DNER: variants seen among roughly 807,000 people sequenced by gnomAD.
DNER encodes delta and Notch-like epidermal growth factor-related receptor.
DNER carries 33 observed loss-of-function variants against 78.2 expected under a neutral mutation model. The observed-to-expected ratio is 0.42, with a 90% CI of 0.32 to 0.56. The LOEUF is 0.56. Ranked by LOEUF, DNER falls within the 20% of genes least tolerant of loss-of-function variation. The pLI, the probability that DNER is intolerant of heterozygous loss-of-function variation, is 0.11. For missense variants in DNER, 918 were observed against 975.3 expected (o/e 0.94, Z 0.78); for synonymous variants, 417 against 384.8 (o/e 1.08, Z -0.98).
intron 5 of DNER, among the ~76,000 whole-genome samples, chr2:229,545,768 G>T (rs1696616559): frequency 6.6e-6 from 1 of 152,108 alleles, no homozygotes; most frequent in Non-Finnish European, 1.5e-5. Flanking sequence ...CAGGGCTCAG[G>T]GTTCCCATAG....
At chr2:229,555,395 C>T (rs1696838070) in intron 4 of DNER, among the ~76,000 whole-genome samples, 1 of 152,170 alleles carries the variant, frequency 6.6e-6, no homozygotes, top group Non-Finnish European at 1.5e-5. Flanking sequence ...AACATTTCCA[C>T]AATGCCCCCT....
At chr2:229,673,313 T>C (rs938489730) in intron 1 of DNER, among the ~76,000 whole-genome samples, 11 of 152,130 alleles carry the variant, frequency 7.2e-5, no homozygotes, top group Non-Finnish European at 1.6e-4. Context: ...GAGATGCAGT[T>C]AGGTCCACTA....
intron 1 of DNER, among the ~76,000 whole-genome samples, chr2:229,658,035 T>C (rs1698940884): frequency 6.6e-6 from 1 of 152,214 alleles, no homozygotes; most frequent in African/African-American, 2.4e-5. Context: ...TGAATTGGAA[T>C]TGAACAGAAT....
intron 11 of DNER, among the ~76,000 whole-genome samples, chr2:229,381,265 T>C (rs1353185815): frequency 6.6e-6 from 1 of 152,136 alleles, no homozygotes; most frequent in Non-Finnish European, 1.5e-5. Context: ...TTTCCCATGG[T>C]CTTCACAATC....
chr2:229,616,960 G>T (rs1227433169), intron 1 of DNER, among the ~76,000 whole-genome samples: 1 of 152,196 alleles, frequency 6.6e-6, no homozygotes, highest in Non-Finnish European at 1.5e-5. Context: ...CCCTGGAAAG[G>T]TCCTGAATAT....
intron 8 of DNER, among the ~76,000 whole-genome samples, chr2:229,436,365 G>A (rs1694119344): frequency 1.3e-5 from 2 of 152,142 alleles, no homozygotes; most frequent in South Asian, 4.1e-4. Flanking sequence ...GGGCATTTAG[G>A]TTGATTCCGT....
chr2:229,476,320 G>A lies in DNER; in HGVS notation c.1261+820C>T, dbSNP rs544250274. 3.9e-5 allele frequency among the ~76,000 whole-genome samples: 6 copies of A among 152,236 alleles called. No individual in the cohort carries two copies. In the East Asian group the frequency reaches 1.2e-3, roughly 29 times the overall value. On this transcript the variant is annotated intron_variant, in intron 7 of 12. Transcript: ENST00000341772. Reference sequence around the variant, plus strand: ...ACTTCCGTTATCTGGGAAGCCAGTGGCCTCTTACCAACACCCTCCTGGACC... The same window carrying A: ...ACTTCCGTTATCTGGGAAGCCAGTGACCTCTTACCAACACCCTCCTGGACC...
At chr2:229,649,918 C>CA (rs1698781854) in intron 1 of DNER, among the ~76,000 whole-genome samples, 1 of 151,554 alleles carries the variant, frequency 6.6e-6, no homozygotes, top group Non-Finnish European at 1.5e-5. Context: ...ACTGAAAATA[C>CA]AAAAAAATTA....
At chr2:229,372,785 T>G (rs1214800342) in intron 11 of DNER, among the ~76,000 whole-genome samples, 2 of 151,954 alleles carry the variant, frequency 1.3e-5, no homozygotes, top group African/African-American at 4.8e-5. Context: ...TGACCTATGG[T>G]GATGGGCATG....
At chr2:229,546,586 A>T (rs1164197199) in intron 5 of DNER, among the ~76,000 whole-genome samples, 1 of 152,198 alleles carries the variant, frequency 6.6e-6, no homozygotes, top group Admixed American at 6.5e-5. Flanking sequence ...AAATACAAAA[A>T]TTAGCAGGGC....
chr2:229,428,932 G>C (rs1404839023), intron 8 of DNER, among the ~76,000 whole-genome samples: 4 of 152,084 alleles, frequency 2.6e-5, no homozygotes, highest in Admixed American at 1.3e-4. Context: ...AACAGAGAAA[G>C]AGACATAGAA....
At chr2:229,702,916 CAAAA>C (rs775005338) in intron 1 of DNER, among the ~76,000 whole-genome samples, 1 of 103,914 alleles carries the variant, frequency 9.6e-6, no homozygotes. Flanking sequence ...GACTCCGCCT[CAAAA>C]AAAAAAAAAA....
rs767536574 is a variant in DNER, at chr2:229,591,907, TG to T, written c.277-20del. 1 of 1,503,954 alleles carries T rather than the reference TG, an allele frequency of 6.6e-7. No individual in the cohort carries two copies. The allele number at this position is 1,503,954 out of a possible 1,614,324, so 93.2% of individuals were successfully genotyped here. A position where few individuals can be genotyped will look rare whatever the true frequency, so the allele number is the denominator to read the frequency against. On this transcript the variant is annotated intron_variant, in intron 1 of 12. Transcript: ENST00000341772. The surrounding 1 kb of genome is among the most constrained non-coding windows in gnomAD (Gnocchi z 4.6). Reference sequence around the variant, plus strand: ...CAACAAGCTGAAACGAGACCATAAATGGGTCAATTATTCCCTCATAAGAAAA... The same window carrying T: ...CAACAAGCTGAAACGAGACCATAAATGGTCAATTATTCCCTCATAAGAAAA...
intron 5 of DNER, among the ~76,000 whole-genome samples, chr2:229,545,048 T>G (rs1413599983): frequency 6.6e-6 from 1 of 152,056 alleles, no homozygotes; most frequent in Non-Finnish European, 1.5e-5. Flanking sequence ...CCTCAAAATC[T>G]CAAACAAACC....
intron 7 of DNER, among the ~76,000 whole-genome samples, chr2:229,450,638 T>C (rs1407535938): frequency 6.6e-6 from 1 of 152,110 alleles, no homozygotes; most frequent in Non-Finnish European, 1.5e-5. Context: ...CTGACTGGTG[T>C]CTTTATAAGC....
chr2:229,661,079 T>C (rs1699002722), intron 1 of DNER, among the ~76,000 whole-genome samples: 1 of 152,198 alleles, frequency 6.6e-6, no homozygotes, highest in African/African-American at 2.4e-5. Context: ...AATGTAAGCT[T>C]CCTCAGGAAA....
At chr2:229,578,801 G>A (rs565198656) in intron 4 of DNER, among the ~76,000 whole-genome samples, 1 of 152,330 alleles carries the variant, frequency 6.6e-6, no homozygotes, top group South Asian at 2.1e-4. Flanking sequence ...AGAAGGGAGG[G>A]AAGCAGAGTT....
intron 5 of DNER, among the ~76,000 whole-genome samples, chr2:229,538,101 T>A (rs1288151316): frequency 1.3e-5 from 2 of 152,194 alleles, no homozygotes; most frequent in African/African-American, 4.8e-5. Context: ...ACTTTTATGA[T>A]CTCTATGGTT....
chr2:229,555,234 A>G (rs1367840298), intron 4 of DNER, among the ~76,000 whole-genome samples: 2 of 152,186 alleles, frequency 1.3e-5, no homozygotes, highest in Non-Finnish European at 2.9e-5. Context: ...AAGTTTATTT[A>G]AATTGGCTTT....
Sources: gnomAD v4.1 joint callset for allele counts (sites outside exome capture counted in the v4.1 genomes callset) on GRCh38, gnomAD v4.1.1 for gene constraint, Gnocchi (gnomAD v3.1) non-coding constraint, MANE v1.5 for transcripts, NCBI Gene and HGNC (gene_info 2026-07-23, HGNC 2026-07-21) for gene names.